GBF1: variants seen among roughly 807,000 people sequenced by gnomAD.
The protein encoded by GBF1 is golgi brefeldin A resistant guanine nucleotide exchange factor 1.
GBF1 carries 114 observed loss-of-function variants against 210.5 expected under a neutral mutation model. The observed-to-expected ratio is 0.54, with a 90% CI of 0.47 to 0.63. The LOEUF (loss-of-function observed/expected upper bound fraction) is 0.63. Ranked by LOEUF, GBF1 falls within the 30% of genes least tolerant of loss-of-function variation. GBF1 has a pLI of 0.00. For missense variants in GBF1, 1,851 were observed against 2,357.7 expected (o/e 0.79, Z 4.45); for synonymous variants, 850 against 889.2 (o/e 0.96, Z 0.78).
chr10:102,325,449 C>T (rs2056814313), intron 3 of GBF1, among the ~76,000 whole-genome samples: 1 of 150,330 alleles, frequency 6.7e-6, no homozygotes, highest in South Asian at 2.1e-4. Flanking sequence ...CCTTGGGAGG[C>T]TGAGGCAGGA....
chr10:102,312,868 G>T (rs1447328939), intron 3 of GBF1, among the ~76,000 whole-genome samples: 1 of 152,130 alleles, frequency 6.6e-6, no homozygotes, highest in African/African-American at 2.4e-5. Context: ...GGCATCATGA[G>T]TTTCCTTTCT....
chr10:102,367,903 A>T (rs1252580127), intron 21 of GBF1, among the ~76,000 whole-genome samples: 1 of 152,250 alleles, frequency 6.6e-6, no homozygotes. Flanking sequence ...GGCCCAGGTT[A>T]CAGGTCAGAA....
chr10:102,367,046 A>G, intron 19 of GBF1, 39 bp from the exon 20 acceptor site: 1 of 1,611,102 alleles, frequency 6.2e-7, no homozygotes, highest in Admixed American at 1.7e-5. Flanking sequence ...AATTGGCCAG[A>G]GAAGGGCATT....
At chr10:102,369,414 C>A in intron 24 of GBF1, 27 bp downstream of exon 24, 2 of 1,563,296 alleles carry the variant, frequency 1.3e-6, no homozygotes, top group Non-Finnish European at 1.8e-6. Flanking sequence ...GACTAGTGAG[C>A]GATAACAAGG....
intron 3 of GBF1, among the ~76,000 whole-genome samples, chr10:102,267,486 A>T (rs1396936418): frequency 1.3e-5 from 2 of 150,954 alleles, no homozygotes; most frequent in South Asian, 4.3e-4. Flanking sequence ...CCTGGGTGGC[A>T]GATCAAGACT....
rs1260798012 is a variant in GBF1, at chr10:102,366,560, G to A, written c.2433+54G>A. Reference sequence around the variant, plus strand: ...AGGATCCAAGGTCAGTTTGACTGAGGGCTGAAGAATCCAGCTGCTGTCTCT... The same window carrying A: ...AGGATCCAAGGTCAGTTTGACTGAGAGCTGAAGAATCCAGCTGCTGTCTCT... On this transcript the variant is annotated intron_variant, in intron 19 of 39. Transcript: ENST00000369983. The surrounding 1 kb of genome is among the most constrained non-coding windows in gnomAD (Gnocchi z 4.0). 5 of 1,512,078 alleles carry A rather than the reference G, an allele frequency of 3.3e-6. No individual in the cohort carries two copies. The highest frequency in any genetic ancestry group is 4.5e-6 in the Non-Finnish European group (5 of 1,103,604). 93.7% of individuals were successfully genotyped at this position (1,512,078 alleles called of 1,614,324 possible). A position where few individuals can be genotyped will look rare whatever the true frequency, so the allele number is the denominator to read the frequency against.
At chr10:102,264,691 T>C (rs1390664701) in intron 3 of GBF1, among the ~76,000 whole-genome samples, 1 of 152,280 alleles carries the variant, frequency 6.6e-6, no homozygotes, top group Non-Finnish European at 1.5e-5. Context: ...TGATTTATAA[T>C]TTTGGAATTC....
intron 13 of GBF1, 124 bp downstream of exon 13, chr10:102,361,244 T>C: frequency 1.5e-6 from 1 of 674,856 alleles, no homozygotes; most frequent in South Asian, 1.6e-5. Context: ...GGAGAGTCCT[T>C]TTAGCCTCCA....
At chr10:102,347,220 G>A (rs192692858) in intron 4 of GBF1, among the ~76,000 whole-genome samples, 196 of 152,284 alleles carry the variant, frequency 1.3e-3, no homozygotes, top group African/African-American at 4.6e-3. Context: ...TCAGTTCAGA[G>A]CAAGAAAACC....
intron 4 of GBF1, among the ~76,000 whole-genome samples, chr10:102,350,700 G>A (rs2058897753): frequency 6.6e-6 from 1 of 152,076 alleles, no homozygotes; most frequent in South Asian, 2.1e-4. Context: ...GCCCCACTCT[G>A]GGCATACAAA....
chr10:102,245,307 G>T (rs558828064), upstream of GBF1, among the ~76,000 whole-genome samples: 15 of 152,186 alleles, frequency 9.9e-5, no homozygotes, highest in South Asian at 2.1e-3. Context: ...TTTTTTATTG[G>T]TTTTTTAAAC....
At chr10:102,372,705 A>G (rs2060278903) in intron 29 of GBF1, among the ~76,000 whole-genome samples, 1 of 152,226 alleles carries the variant, frequency 6.6e-6, no homozygotes, top group Non-Finnish European at 1.5e-5. Context: ...TGGTGGAGTG[A>G]TTAAAATCCA....
At chr10:102,345,079 T>C (rs991229229) in intron 4 of GBF1, among the ~76,000 whole-genome samples, 7 of 151,886 alleles carry the variant, frequency 4.6e-5, no homozygotes, top group African/African-American at 1.7e-4. Flanking sequence ...GTCAGGAGTT[T>C]GAGACCAGCC....
At chr10:102,320,952 C>T (rs1327119293) in intron 3 of GBF1, among the ~76,000 whole-genome samples, 1 of 151,780 alleles carries the variant, frequency 6.6e-6, no homozygotes, top group African/African-American at 2.4e-5. Flanking sequence ...TGCACCACCA[C>T]GCCCGGCTAG....
intron 3 of GBF1, among the ~76,000 whole-genome samples, chr10:102,326,295 G>A (rs1343469331): frequency 6.6e-6 from 1 of 152,156 alleles, no homozygotes; most frequent in Non-Finnish European, 1.5e-5. Flanking sequence ...ATTCCCTTGG[G>A]GAGTAACAGG....
chr10:102,231,065 G>A, the GBF1 span: 1 of 1,570,728 alleles, frequency 6.4e-7, no homozygotes. Flanking sequence ...CTGCGCTCGC[G>A]CTTCCGCCAT....
chr10:102,371,848 G>C (rs949769175), intron 29 of GBF1, among the ~76,000 whole-genome samples: 4 of 151,760 alleles, frequency 2.6e-5, no homozygotes, highest in Admixed American at 2.6e-4. Flanking sequence ...AGAATCGCTT[G>C]AACTCAAGGC....
At chr10:102,275,940 T>C (rs947782331) in intron 3 of GBF1, among the ~76,000 whole-genome samples, 1 of 152,242 alleles carries the variant, frequency 6.6e-6, no homozygotes, top group Admixed American at 6.5e-5. Context: ...TCAGGGGTTT[T>C]AAATAATGTT....
the GBF1 span, among the ~76,000 whole-genome samples, chr10:102,234,680 A>G: frequency 6.6e-6 from 1 of 152,084 alleles, no homozygotes; most frequent in Non-Finnish European, 1.5e-5. Flanking sequence ...CTTGAAATGC[A>G]AATCATCCCC....
Sources: gnomAD v4.1 joint callset for allele counts (sites outside exome capture counted in the v4.1 genomes callset) on GRCh38, gnomAD v4.1.1 for gene constraint, Gnocchi (gnomAD v3.1) non-coding constraint, MANE v1.5 for transcripts, NCBI Gene and HGNC (gene_info 2026-07-23, HGNC 2026-07-21) for gene names.